FER: variants seen among roughly 807,000 people sequenced by gnomAD.
FER encodes the protein tyrosine-protein kinase Fer.
A neutral mutation model predicts 111.0 loss-of-function variants in FER; 63 were observed. The observed-to-expected ratio is 0.57, with a 90% CI of 0.46 to 0.70. The LOEUF (loss-of-function observed/expected upper bound fraction) is 0.70. Among genes scored for constraint, FER ranks in the 30% least tolerant of loss-of-function variants. FER has a pLI of 0.00. For missense variants in FER, 914 were observed against 954.0 expected (o/e 0.96, Z 0.55); for synonymous variants, 327 against 313.9 (o/e 1.04, Z -0.44).
intron 1 of FER, among the ~76,000 whole-genome samples, chr5:108,757,433 G>C (rs994555054): frequency 6.6e-6 from 1 of 152,008 alleles, no homozygotes; most frequent in Non-Finnish European, 1.5e-5. Context: ...GAATAAAGAG[G>C]CCTGAGAAGG....
At chr5:108,918,674 A>G (rs1581196269) in intron 10 of FER, among the ~76,000 whole-genome samples, 1 of 151,904 alleles carries the variant, frequency 6.6e-6, no homozygotes, top group African/African-American at 2.4e-5. Flanking sequence ...TTTTTACTAG[A>G]GACGGGGTTT....
intron 2 of FER, chr5:108,785,699 T>C (rs941334971): frequency 8.8e-5 from 29 of 329,338 alleles, no homozygotes; most frequent in Non-Finnish European, 1.7e-4. Flanking sequence ...TTGCTGGTGG[T>C]GTCTGGCTTC....
chr5:108,876,423 A>C (rs551637588), intron 8 of FER, among the ~76,000 whole-genome samples: 11 of 152,202 alleles, frequency 7.2e-5, no homozygotes, highest in Non-Finnish European at 1.6e-4. Flanking sequence ...TCTGCTTGGC[A>C]CTATACAAAT....
intron 5 of FER, among the ~76,000 whole-genome samples, chr5:108,853,914 G>A (rs1456720746): frequency 6.6e-6 from 1 of 152,148 alleles, no homozygotes; most frequent in African/African-American, 2.4e-5. Flanking sequence ...GAGAGGAAGG[G>A]CAGAAGTAAG....
chr5:108,918,018 A>T (rs563907361), intron 10 of FER, among the ~76,000 whole-genome samples: 3 of 152,230 alleles, frequency 2.0e-5, no homozygotes, highest in Non-Finnish European at 4.4e-5. Context: ...TAAATATAAA[A>T]TAAAATGAGA....
chr5:108,786,561 T>G (rs116160302), intron 2 of FER, among the ~76,000 whole-genome samples: 2,218 of 152,212 alleles, frequency 0.015, 37 homozygotes, highest in South Asian at 0.032. Flanking sequence ...AGTGCAGTGA[T>G]GCGAGGGGGG....
chr5:108,965,109 T>A (rs1291342139), intron 13 of FER, among the ~76,000 whole-genome samples: 1 of 152,194 alleles, frequency 6.6e-6, no homozygotes, highest in African/African-American at 2.4e-5. Flanking sequence ...TAATTGGCTT[T>A]TTTAAATCAA....
At chr5:109,186,543 C>T (rs1209715940) in intron 19 of FER, among the ~76,000 whole-genome samples, 1 of 152,104 alleles carries the variant, frequency 6.6e-6, no homozygotes, top group Non-Finnish European at 1.5e-5. Flanking sequence ...TTTCTTCCAC[C>T]CTTTCCCTGT....
intron 3 of FER, among the ~76,000 whole-genome samples, chr5:108,806,388 A>G (rs952396425): frequency 2.6e-5 from 4 of 152,352 alleles, no homozygotes; most frequent in Admixed American, 2.0e-4. Context: ...GCCCCCACAC[A>G]GAGTCCCTAC....
At chr5:109,018,575 T>C (rs1767504021) in intron 13 of FER, among the ~76,000 whole-genome samples, 1 of 151,874 alleles carries the variant, frequency 6.6e-6, no homozygotes, top group Non-Finnish European at 1.5e-5. Flanking sequence ...TAAATTACTT[T>C]ATCAGTCTGA....
At chr5:109,127,156 A>G (rs1035264352) in intron 17 of FER, among the ~76,000 whole-genome samples, 2 of 152,146 alleles carry the variant, frequency 1.3e-5, no homozygotes, top group Admixed American at 6.5e-5. Context: ...CTAACCATGG[A>G]TTATCTTTCA....
chr5:108,772,464 G>C (rs1377322611), intron 2 of FER, among the ~76,000 whole-genome samples: 4 of 148,794 alleles, frequency 2.7e-5, no homozygotes, highest in Non-Finnish European at 6.0e-5. Context: ...TTCATGATCT[G>C]TATTTTCTTT....
intron 17 of FER, 98 bp from the exon 18 acceptor site, chr5:109,180,649 C>T (rs1295090611): frequency 5.4e-6 from 7 of 1,303,952 alleles, no homozygotes; most frequent in Non-Finnish European, 7.4e-6. Context: ...ATTATAAATA[C>T]ATTGCAAATG....
intron 16 of FER, among the ~76,000 whole-genome samples, chr5:109,093,887 A>G (rs377731165): frequency 1.3e-5 from 2 of 152,188 alleles, no homozygotes; most frequent in East Asian, 3.8e-4. Flanking sequence ...TTTCGAGCCA[A>G]CATATTATAC....
chr5:109,087,514 A>C (rs1581970083), intron 16 of FER, among the ~76,000 whole-genome samples: 4 of 151,690 alleles, frequency 2.6e-5, no homozygotes, highest in African/African-American at 9.6e-5. Flanking sequence ...TTTTTATCTT[A>C]ATTTTATTAA....
chr5:109,009,044 C>CTTTTT lies in FER; in HGVS notation c.1657-28361_1657-28357dup, dbSNP rs1030906789. ...CACTAGTCTAGTCTTCCTCTTCAGTCTTTTTTTTTTTTTTTTTTTTTGAAA... is the reference window on the plus strand; with the variant it reads ...CACTAGTCTAGTCTTCCTCTTCAGTCTTTTTTTTTTTTTTTTTTTTTTTTTTGAAA... On this transcript the variant is annotated intron_variant, in intron 13 of 19. Coordinates refer to ENST00000281092, the MANE Select transcript of FER (RefSeq NM_005246.4). 3.2e-3 allele frequency among the ~76,000 whole-genome samples: 375 copies of CTTTTT among 115,988 alleles called. 6 individuals carry two copies. The highest frequency in any genetic ancestry group is 0.011 in the African/African-American group (334 of 30,098). The allele number at this position is 115,988 out of a possible 152,430, so 76.1% of individuals were successfully genotyped here. A position where few individuals can be genotyped will look rare whatever the true frequency, so the allele number is the denominator to read the frequency against.
rs376778582 is a variant in FER, at chr5:109,046,583, A to G, written c.1830-521A>G. Among the ~76,000 whole-genome samples, 28 of 152,312 alleles carry G rather than the reference A, an allele frequency of 1.8e-4. No individual in the cohort carries two copies. In the East Asian group the frequency reaches 3.5e-3, roughly 19 times the overall value. On this transcript the variant is annotated intron_variant, in intron 15 of 19. Transcript: ENST00000281092. Reference sequence around the variant, plus strand: ...CATTTGCATCCACATTATGTTGCCAATATGTATCAGTATGGTTGGGCCTCT... The same window carrying G: ...CATTTGCATCCACATTATGTTGCCAGTATGTATCAGTATGGTTGGGCCTCT...
At chr5:108,879,949 A>C (rs1656627508) in intron 8 of FER, among the ~76,000 whole-genome samples, 1 of 151,808 alleles carries the variant, frequency 6.6e-6, no homozygotes, top group African/African-American at 2.4e-5. Context: ...ACCTCAAATG[A>C]TCCACCCGCC....
At chr5:109,034,040 A>G (rs1347881638) in intron 13 of FER, among the ~76,000 whole-genome samples, 1 of 152,140 alleles carries the variant, frequency 6.6e-6, no homozygotes, top group East Asian at 1.9e-4. Flanking sequence ...GAAATACATT[A>G]TTATTAACCA....
Sources: gnomAD v4.1 joint callset for allele counts (sites outside exome capture counted in the v4.1 genomes callset) on GRCh38, gnomAD v4.1.1 for gene constraint, MANE v1.5 for transcripts, NCBI Gene and HGNC (gene_info 2026-07-23, HGNC 2026-07-21) for gene names.